BST1: variants seen among roughly 807,000 people sequenced by gnomAD.
BST1 encodes the protein bone marrow stromal cell antigen 1.
BST1 carries 49 observed loss-of-function variants against 40.6 expected under a neutral mutation model. That is an observed-to-expected ratio of 1.21 (90% CI 0.96 to 1.53). The LOEUF (loss-of-function observed/expected upper bound fraction) is 1.53, where lower values mean the gene tolerates loss of function less well. Among genes scored for constraint, BST1 ranks in the 40% most tolerant of loss-of-function variants. The pLI, the probability that BST1 is intolerant of heterozygous loss-of-function variation, is 0.00. For missense variants in BST1, 423 were observed against 395.9 expected (o/e 1.07, Z -0.58); for synonymous variants, 157 against 159.3 (o/e 0.99, Z 0.11).
intron 7 of BST1, among the ~76,000 whole-genome samples, chr4:15,721,889 GACA>G (rs772135329): frequency 5.5e-4 from 84 of 152,234 alleles, no homozygotes; most frequent in Admixed American, 1.0e-3. Context: ...ATGCCATAGA[GACA>G]ACAATATCAC....
chr4:15,747,739 G>C, the BST1 span, among the ~76,000 whole-genome samples: 2 of 152,130 alleles, frequency 1.3e-5, no homozygotes, highest in Non-Finnish European at 2.9e-5. Flanking sequence ...GTCCCATCAT[G>C]GCTCACTGCA....
the BST1 span, among the ~76,000 whole-genome samples, chr4:15,747,721 G>T: frequency 1.3e-5 from 2 of 152,184 alleles, no homozygotes; most frequent in African/African-American, 2.4e-5. Context: ...CCAGGCTGGA[G>T]CACAGTGGTC....
chr4:15,755,766 G>A, the BST1 span, among the ~76,000 whole-genome samples: 1 of 151,984 alleles, frequency 6.6e-6, no homozygotes, highest in Non-Finnish European at 1.5e-5. Flanking sequence ...GTGAGTGTGT[G>A]CTCATTTGTG....
At chr4:15,749,042 G>A in the BST1 span, among the ~76,000 whole-genome samples, 29 of 152,256 alleles carry the variant, frequency 1.9e-4, no homozygotes, top group South Asian at 1.9e-3. Flanking sequence ...TTAATCCTGC[G>A]GGGACCTTTG....
In BST1 at chr4:15,705,627, A is replaced by G. The variant is rs6840615; in HGVS notation, c.301A>G (p.Ile101Val). The G allele has an allele frequency of 5.2e-3, 8,399 of 1,613,918 alleles. 385 individuals are homozygous for G. In the African/African-American group the frequency reaches 0.097, roughly 19 times the overall value. ...DLFINLSRHS[I>V]PRDKSLFWEN... ...TTTTATTAACTTGTCCAGGCACTCT[A>G]TTCCCAGAGATAAGGTAACACCACA... is the stretch of plus-strand genomic sequence containing the variant. The change falls in exon 2 of 9, where the codon ATT (isoleucine) becomes GTT (valine). Residue 101 changes from isoleucine (I) to valine (V), a missense_variant. Coordinates refer to ENST00000265016, the MANE Select transcript of BST1 (RefSeq NM_004334.3).
intron 8 of BST1, among the ~76,000 whole-genome samples, chr4:15,723,894 T>C (rs772870696): frequency 3.9e-5 from 6 of 152,244 alleles, no homozygotes; most frequent in Non-Finnish European, 7.3e-5. Flanking sequence ...CCTGTACCTA[T>C]AGCCTATCAT....
intron 6 of BST1, 50 bp downstream of exon 6, chr4:15,715,849 T>C: frequency 7.5e-7 from 1 of 1,340,506 alleles, no homozygotes; most frequent in Middle Eastern, 1.9e-4. Flanking sequence ...TTGTTTTTCT[T>C]GTATATAATA....
chr4:15,737,934 G>A (rs910616657), exon 7 of BST1: 9 of 592,068 alleles, frequency 1.5e-5, no homozygotes, highest in Admixed American at 7.8e-5. Context: ...GTCCAGCTCC[G>A]TCCACATGAA....
rs577547544 is a variant in BST1 at position 15,730,265 on chromosome 4, A to T, written c.852-1475A>T. ...CAACATTAGATGGTTTCATAATTTT[A>T]AAATTCATCTTTTAGTTGGTTTAAA... On this transcript the variant is annotated intron_variant, in intron 8 of 8. Transcript: ENST00000265016. Among the ~76,000 whole-genome samples the T allele has an allele frequency of 2.2e-3, 329 of 152,366 alleles. 2 individuals are homozygous for T. The highest frequency in any genetic ancestry group is 7.6e-3 in the African/African-American group (314 of 41,586).
chr4:15,747,338 T>C, the BST1 span, among the ~76,000 whole-genome samples: 1 of 152,360 alleles, frequency 6.6e-6, no homozygotes, highest in African/African-American at 2.4e-5. Context: ...GCTGCCTTTA[T>C]GCCATTATAG....
the BST1 span, among the ~76,000 whole-genome samples, chr4:15,764,873 G>GGGGTGTGTGT: frequency 3.6e-5 from 5 of 137,458 alleles, 1 homozygote; most frequent in African/African-American, 1.4e-4. Flanking sequence ...AATTAGGTGA[G>GGGGTGTGTGT]GTGTGTGTGT....
intron 2 of BST1, among the ~76,000 whole-genome samples, chr4:15,706,718 T>G (rs1719897402): frequency 1.3e-5 from 2 of 152,246 alleles, no homozygotes; most frequent in Non-Finnish European, 2.9e-5. Context: ...TTTGAGTATA[T>G]GCTGTCTTTT....
chr4:15,707,240 T>C (rs888142069), intron 2 of BST1, among the ~76,000 whole-genome samples: 6 of 152,178 alleles, frequency 3.9e-5, no homozygotes, highest in Admixed American at 3.9e-4. Context: ...TCATTTTTAA[T>C]GTAGGGGATC....
chr4:15,731,624 T>A, intron 8 of BST1, 116 bp from the exon 9 acceptor site: 1 of 1,378,204 alleles, frequency 7.3e-7, no homozygotes. Flanking sequence ...ACTTTGCTGC[T>A]CATGGCTTCT....
At chr4:15,756,715 C>A in the BST1 span, among the ~76,000 whole-genome samples, 1 of 152,090 alleles carries the variant, frequency 6.6e-6, no homozygotes, top group Non-Finnish European at 1.5e-5. Context: ...CTGTTTTTCC[C>A]CCTAGCGGCC....
chr4:15,705,556 C>A lies in BST1; in HGVS notation c.230C>A (p.Ala77Glu). 6.2e-7 allele frequency: 1 copy of A among 1,606,448 alleles called. No homozygotes were observed. Among genetic ancestry groups the A allele is most frequent in the Non-Finnish European group, 8.5e-7 (1 of 1,176,856 alleles). The change falls in exon 2 of 9, where the codon GCG (alanine) becomes GAG (glutamate). Residue 77 changes from alanine to glutamate, a missense_variant. By Grantham distance (107) the Ala-to-Glu change is moderately radical (BLOSUM62 -1). Transcript: ENST00000265016. ...CTAIWEAFKV[A>E]LDKDPCSVLP... The stretch of plus-strand genomic sequence containing the variant: ...GCCATCTGGGAAGCCTTTAAAGTGG[C>A]GCTGGACAAGGATCCCTGCTCCGTG...
At chr4:15,729,406 G>A in intron 8 of BST1, among the ~76,000 whole-genome samples, 1 of 152,150 alleles carries the variant, frequency 6.6e-6, no homozygotes, top group Non-Finnish European at 1.5e-5. Flanking sequence ...TCAACGAGCT[G>A]TAGTCATGCC....
chr4:15,740,545 G>A (rs77486757), downstream of BST1, among the ~76,000 whole-genome samples: 3,710 of 151,950 alleles, frequency 0.024, 165 homozygotes, highest in African/African-American at 0.085. Flanking sequence ...GGTGTGAGGG[G>A]GTGGATTGGA....
At chr4:15,766,500 T>G in the BST1 span, among the ~76,000 whole-genome samples, 2 of 151,862 alleles carry the variant, frequency 1.3e-5, no homozygotes, top group African/African-American at 4.9e-5. Flanking sequence ...TTAAAAGCAT[T>G]TTGAGGCATC....
Sources: allele counts gnomAD v4.1 joint callset (sites outside exome capture counted in the v4.1 genomes callset), GRCh38; gene constraint gnomAD v4.1.1; transcripts MANE v1.5; gene names NCBI Gene and HGNC (gene_info 2026-07-23, HGNC 2026-07-21).